LRRC1: variants seen among roughly 807,000 people sequenced by gnomAD.
LRRC1 encodes the protein leucine rich repeat containing 1.
LRRC1 carries 28 observed loss-of-function variants against 69.9 expected under a neutral mutation model. That is an observed-to-expected ratio of 0.40 (90% CI 0.30 to 0.55). The LOEUF (loss-of-function observed/expected upper bound fraction) is 0.55, where lower values mean the gene tolerates loss of function less well. LRRC1 is among the 20% of genes least tolerant of loss of function. The pLI, the probability that LRRC1 is intolerant of heterozygous loss-of-function variation, is 0.47. For synonymous variants in LRRC1, 236 were observed against 240.2 expected, an observed-to-expected ratio of 0.98 and a Z score of 0.16; for missense variants, 498 against 609.0, an observed-to-expected ratio of 0.82 and a Z score of 1.92.
At chr6:53,800,163 C>T (rs1764427862) in intron 1 of LRRC1, among the ~76,000 whole-genome samples, 1 of 151,696 alleles carries the variant, frequency 6.6e-6, no homozygotes, top group South Asian at 2.1e-4. Flanking sequence ...CTAAAAGTGT[C>T]AGCACAGAGT....
intron 1 of LRRC1, among the ~76,000 whole-genome samples, chr6:53,805,191 T>G (rs1764603302): frequency 6.6e-6 from 1 of 152,048 alleles, no homozygotes; most frequent in African/African-American, 2.4e-5. Flanking sequence ...ATGCCAAGAG[T>G]TGCTATGCTA....
intron 13 of LRRC1, among the ~76,000 whole-genome samples, chr6:53,921,623 G>A (rs944143420): frequency 3.9e-5 from 6 of 152,172 alleles, no homozygotes; most frequent in African/African-American, 1.4e-4. Flanking sequence ...AGGTGTTGGT[G>A]ACAAGGCTTG....
chr6:53,861,821 C>G lies in LRRC1; in HGVS notation c.278-17172C>G, dbSNP rs544064374. On this transcript the variant is annotated intron_variant, in intron 2 of 13. Coordinates refer to ENST00000370888, the MANE Select transcript of LRRC1 (RefSeq NM_018214.5). ...TGGCTGAGTCTCTAATTGACAAACA[C>G]TATAGTTCGGGCGTGTGAGAGGAGA... is the stretch of plus-strand genomic sequence containing the variant. 6.6e-5 allele frequency among the ~76,000 whole-genome samples: 10 copies of G among 152,026 alleles called. No individual in the cohort carries two copies. The South Asian group carries it at 1.9e-3, about 28-fold the overall frequency.
At chr6:53,913,719 C>A in intron 10 of LRRC1, 135 bp from the exon 11 acceptor site, 1 of 465,738 alleles carries the variant, frequency 2.1e-6, no homozygotes, top group Non-Finnish European at 3.8e-6. Flanking sequence ...GATTGTTGGT[C>A]ATCAGTGAGA....
chr6:53,840,923 T>TGCGCGCGC (rs1233714174), intron 1 of LRRC1, among the ~76,000 whole-genome samples: 1 of 139,958 alleles, frequency 7.1e-6, no homozygotes, highest in African/African-American at 2.6e-5. Flanking sequence ...TGTGTGTGTG[T>TGCGCGCGC]GTGTGCGTGC....
intron 11 of LRRC1, among the ~76,000 whole-genome samples, chr6:53,917,639 C>T (rs918914590): frequency 6.6e-6 from 1 of 152,100 alleles, no homozygotes; most frequent in Non-Finnish European, 1.5e-5. Context: ...GTTTTCAAGT[C>T]TTGATTTTCT....
At chr6:53,848,098 C>A (rs954439490) in intron 2 of LRRC1, among the ~76,000 whole-genome samples, 3 of 152,160 alleles carry the variant, frequency 2.0e-5, no homozygotes, top group African/African-American at 7.2e-5. Context: ...GTTTTGTTGT[C>A]ACTGTCATTG....
chr6:53,804,477 A>G (rs1467827475), intron 1 of LRRC1, among the ~76,000 whole-genome samples: 1 of 152,218 alleles, frequency 6.6e-6, no homozygotes, highest in Non-Finnish European at 1.5e-5. Flanking sequence ...TATTAAAACA[A>G]AAATAGAACT....
intron 11 of LRRC1, 23 bp from the exon 12 acceptor site, chr6:53,919,475 T>TC (rs1267937862): frequency 2.2e-6 from 3 of 1,381,532 alleles, no homozygotes; most frequent in Non-Finnish European, 2.9e-6. Flanking sequence ...TGTCTCTTTT[T>TC]TTAAAAAAAA....
At position 53,910,468 on chromosome 6, in the gene LRRC1, G is replaced by A. The variant is rs889346853; in HGVS notation, c.991-3386G>A. Among the ~76,000 whole-genome samples, 20 of 152,260 alleles carry A rather than the reference G, an allele frequency of 1.3e-4. 1 individual carries two copies. The highest frequency in any genetic ancestry group is 1.2e-3 in the South Asian group (6 of 4,818). ...TATTATTAATACAAAATGTCACTGC[G>A]ATACATCGTTAGGGAGATGGGTTTT... On this transcript the variant is annotated intron_variant, in intron 10 of 13. Transcript: ENST00000370888.
Position 53,922,604 on chromosome 6 carries a change from C to T in LRRC1, c.1417-31C>T, listed in dbSNP as rs777293206. 4.4e-6 allele frequency: 7 copies of T among 1,579,110 alleles called. No homozygotes were observed. In the South Asian group the frequency reaches 8.1e-5, roughly 18 times the overall value. The stretch of plus-strand genomic sequence containing the variant: ...TTTTGAAAAAAGTAGTGGAATAAAA[C>T]CAAAACACTCACTCCACTGTTTGTT... On this transcript the variant is annotated intron_variant, in intron 13 of 13. Transcript: ENST00000370888.
chr6:53,832,754 A>G (rs1303433593), intron 1 of LRRC1, among the ~76,000 whole-genome samples: 2 of 152,204 alleles, frequency 1.3e-5, no homozygotes, highest in Non-Finnish European at 2.9e-5. Flanking sequence ...AATACCAAGA[A>G]GTTGAATGAT....
intron 2 of LRRC1, among the ~76,000 whole-genome samples, chr6:53,864,305 C>T (rs1217546317): frequency 1.3e-5 from 2 of 152,138 alleles, no homozygotes; most frequent in South Asian, 2.1e-4. Context: ...TTCCTCTCTC[C>T]CCACACTGCT....
chr6:53,814,863 A>G (rs1400173757), intron 1 of LRRC1, among the ~76,000 whole-genome samples: 2 of 152,090 alleles, frequency 1.3e-5, no homozygotes, highest in Non-Finnish European at 2.9e-5. Flanking sequence ...ATATTAGGGT[A>G]TGGGCTTCCC....
rs967179107 is a variant in LRRC1 at position 53,801,992 on chromosome 6, C to G, written c.159+6577C>G. 2.0e-5 allele frequency among the ~76,000 whole-genome samples: 3 copies of G among 152,340 alleles called. No individual in the cohort carries two copies. In the East Asian group the frequency reaches 5.8e-4, roughly 29 times the overall value. ...CAGAAACTGAGTCATAAAAAACTTACTTAAAAAGCTTAAAAGCCTTGTTCA... is the reference window on the plus strand; with the variant it reads ...CAGAAACTGAGTCATAAAAAACTTAGTTAAAAAGCTTAAAAGCCTTGTTCA... On this transcript the variant is annotated intron_variant, in intron 1 of 13. Coordinates refer to ENST00000370888, the MANE Select transcript of LRRC1 (RefSeq NM_018214.5).
rs540164598 is a variant in LRRC1, at chr6:53,888,015, G to T, written c.446+5039G>T. On this transcript the variant is annotated intron_variant, in intron 4 of 13. Coordinates refer to ENST00000370888, the MANE Select transcript of LRRC1 (RefSeq NM_018214.5). The stretch of plus-strand genomic sequence containing the variant: ...TTACTATCACTAAAAACACTTAGAA[G>T]ATTCCACTGGTAAGGCCAGGAAGGA... 3.3e-5 allele frequency among the ~76,000 whole-genome samples: 5 copies of T among 152,322 alleles called. No individual in the cohort carries two copies. The East Asian group carries it at 9.6e-4, about 29-fold the overall frequency.
At position 53,849,438 on chromosome 6, in the gene LRRC1, G is replaced by A. The variant is rs72936425; in HGVS notation, c.277+7211G>A. 5.2e-3 allele frequency among the ~76,000 whole-genome samples: 795 copies of A among 152,332 alleles called. 5 individuals carry two copies. Among genetic ancestry groups the A allele is most frequent in the Non-Finnish European group, 9.0e-3 (611 of 68,028 alleles). ...AGGCCGTTTCTGTAGGTATCAGGTT[G>A]ATGGTTTCCAGCCACAGTGCTCACA... On this transcript the variant is annotated intron_variant, in intron 2 of 13. Coordinates refer to ENST00000370888, the MANE Select transcript of LRRC1 (RefSeq NM_018214.5).
intron 2 of LRRC1, among the ~76,000 whole-genome samples, chr6:53,865,350 C>G (rs1049961509): frequency 3.9e-5 from 6 of 152,060 alleles, no homozygotes; most frequent in African/African-American, 1.5e-4. Context: ...TATATATTTT[C>G]TCCTTAAACA....
intron 1 of LRRC1, among the ~76,000 whole-genome samples, chr6:53,804,580 A>G (rs1049259486): frequency 5.9e-5 from 9 of 152,228 alleles, no homozygotes; most frequent in Non-Finnish European, 1.3e-4. Context: ...GTATTATAGC[A>G]TTACTGCGAG....
Sources: gnomAD v4.1 joint callset for allele counts (sites outside exome capture counted in the v4.1 genomes callset) on GRCh38, gnomAD v4.1.1 for gene constraint, MANE v1.5 for transcripts, NCBI Gene and HGNC (gene_info 2026-07-23, HGNC 2026-07-21) for gene names.